The following PRR11 variants were observed in gnomAD, a reference collection of about 807,000 sequenced individuals.
PRR11 encodes proline-rich protein 11.
In PRR11, 30 loss-of-function variants were observed where a neutral mutation model predicts 45.6. The ratio of observed to expected loss-of-function variants is 0.66; its 90% CI spans 0.49 to 0.89. The LOEUF is 0.89. PRR11 is among the 40% of genes least tolerant of loss of function. PRR11 has a pLI of 0.00. For missense variants in PRR11, 373 were observed against 424.8 expected, an observed-to-expected ratio of 0.88 and a Z score of 1.07; for synonymous variants, 128 against 153.5, an observed-to-expected ratio of 0.83 and a Z score of 1.23.
intron 2 of PRR11, chr17:59,178,450 G>T: frequency 2.0e-6 from 1 of 505,240 alleles, no homozygotes; most frequent in South Asian, 1.5e-5. Context: ...GCAGGAACAC[G>T]GTTCCGTGGA....
intron 9 of PRR11, among the ~76,000 whole-genome samples, chr17:59,198,838 A>G (rs1277627916): frequency 6.6e-6 from 1 of 152,108 alleles, no homozygotes; most frequent in African/African-American, 2.4e-5. Flanking sequence ...CCCTGTCTCA[A>G]AAAAAGAAAA....
chr17:59,179,651 A>G, intron 2 of PRR11: 1 of 1,504,120 alleles, frequency 6.6e-7, no homozygotes, highest in Non-Finnish European at 9.0e-7. Context: ...CCTCCTACCA[A>G]GCAGCCTGTT....
chr17:59,162,596 G>A (rs2046658803), intron 1 of PRR11, among the ~76,000 whole-genome samples: 1 of 151,590 alleles, frequency 6.6e-6, no homozygotes, highest in African/African-American at 2.4e-5. Context: ...ATTAAGTCTT[G>A]TAATTATTTC....
chr17:59,181,729 C>T, intron 2 of PRR11: 1 of 1,556,838 alleles, frequency 6.4e-7, no homozygotes, highest in Non-Finnish European at 8.7e-7. Context: ...ACATGGGAGG[C>T]TGGGATCTAC....
chr17:59,201,442 G>A, intron 9 of PRR11, 121 bp from the exon 10 acceptor site: 4 of 953,352 alleles, frequency 4.2e-6, no homozygotes, highest in Admixed American at 4.3e-5. Flanking sequence ...TGGGAAAAGT[G>A]GTTTTTACAA....
chr17:59,182,121 G>T (rs745357994), intron 2 of PRR11, among the ~76,000 whole-genome samples: 1 of 151,108 alleles, frequency 6.6e-6, no homozygotes, highest in Non-Finnish European at 1.5e-5. Context: ...TCTGTCTCCC[G>T]GATTCCAGTT....
chr17:59,186,517 C>A (rs1486486480), intron 4 of PRR11, among the ~76,000 whole-genome samples: 3 of 150,134 alleles, frequency 2.0e-5, no homozygotes, highest in African/African-American at 7.4e-5. Context: ...GCCTCAGCCT[C>A]CCTTGTAGCT....
At chr17:59,176,799 G>A (rs376119591) in intron 2 of PRR11, among the ~76,000 whole-genome samples, 2 of 146,464 alleles carry the variant, frequency 1.4e-5, no homozygotes, top group Admixed American at 7.0e-5. Context: ...TGGGTTCAAC[G>A]GGTTCTCTTG....
intron 1 of PRR11, among the ~76,000 whole-genome samples, chr17:59,156,203 GATTTCT>G (rs1426802935): frequency 1.3e-5 from 2 of 152,138 alleles, no homozygotes; most frequent in African/African-American, 4.8e-5. Flanking sequence ...TTCCCTGAGT[GATTTCT>G]ATGCACATTA....
chr17:59,182,036 T>G (rs963611878), intron 2 of PRR11, among the ~76,000 whole-genome samples: 5 of 151,544 alleles, frequency 3.3e-5, no homozygotes, highest in Non-Finnish European at 7.4e-5. Context: ...GTTTTTTTTT[T>G]TTTTGTTTCG....
intron 2 of PRR11, chr17:59,178,361 C>G: frequency 4.7e-6 from 2 of 426,416 alleles, no homozygotes; most frequent in Non-Finnish European, 9.1e-6. Context: ...GTGGGAGCAT[C>G]TGGTGGGAAG....
intron 1 of PRR11, chr17:59,160,949 G>C (rs889804318): frequency 6.6e-6 from 1 of 150,796 alleles, no homozygotes; most frequent in Non-Finnish European, 1.5e-5. Context: ...GTTGCCCAGA[G>C]TGGTCTCAAA....
intron 5 of PRR11, among the ~76,000 whole-genome samples, chr17:59,194,432 T>A (rs777573590): frequency 6.6e-6 from 1 of 152,110 alleles, no homozygotes; most frequent in Non-Finnish European, 1.5e-5. Context: ...TTAACCCGAT[T>A]AACTCCTTCA....
At chr17:59,197,455 G>A in intron 7 of PRR11, 89 bp from the exon 8 acceptor site, 4 of 1,225,326 alleles carry the variant, frequency 3.3e-6, no homozygotes, top group Non-Finnish European at 4.7e-6. Flanking sequence ...GTTTCACCGT[G>A]TTAGCAAGGA....
intron 5 of PRR11, 135 bp downstream of exon 5, chr17:59,193,869 T>A: frequency 9.7e-7 from 1 of 1,035,302 alleles, no homozygotes. Context: ...TCTGATTCCG[T>A]ATCTTAATTA....
intron 2 of PRR11, among the ~76,000 whole-genome samples, chr17:59,173,156 G>T (rs1447339827): frequency 2.0e-5 from 3 of 152,124 alleles, no homozygotes; most frequent in African/African-American, 4.8e-5. Flanking sequence ...ATCTAGTGGG[G>T]ACATGGATAA....
intron 1 of PRR11, among the ~76,000 whole-genome samples, chr17:59,166,133 G>A (rs1280842737): frequency 6.6e-6 from 1 of 152,150 alleles, no homozygotes; most frequent in Non-Finnish European, 1.5e-5. Context: ...CCTGCAACAG[G>A]GTAGTGGGGG....
chr17:59,163,523 A>G (rs1039322062), intron 1 of PRR11: 2 of 152,198 alleles, frequency 1.3e-5, no homozygotes, highest in Non-Finnish European at 2.9e-5. Flanking sequence ...TTTGGCCACA[A>G]GTTTACAGAA....
At chr17:59,195,567 C>T (rs1170662682) in intron 7 of PRR11, 124 bp downstream of exon 7, 1 of 598,466 alleles carries the variant, frequency 1.7e-6, no homozygotes, top group Non-Finnish European at 2.8e-6. Context: ...GTTATATATG[C>T]TCATTATAGA....
Sources: allele counts gnomAD v4.1 joint callset (sites outside exome capture counted in the v4.1 genomes callset), GRCh38; gene constraint gnomAD v4.1.1; transcripts MANE v1.5; gene names NCBI Gene and HGNC (gene_info 2026-07-23, HGNC 2026-07-21).